Variants in ABHD5 observed in about 807,000 individuals in gnomAD.
The protein encoded by ABHD5 is 1-acylglycerol-3-phosphate O-acyltransferase ABHD5.
ABHD5 carries 30 observed loss-of-function variants against 44.9 expected under a neutral mutation model. The observed-to-expected ratio is 0.67, with a 90% CI of 0.50 to 0.91. The LOEUF is 0.91. ABHD5 is among the 40% of genes least tolerant of loss of function. The pLI is 0.00. For missense variants in ABHD5, 399 were observed against 423.4 expected, an observed-to-expected ratio of 0.94 and a Z score of 0.50; for synonymous variants, 167 against 147.0, an observed-to-expected ratio of 1.14 and a Z score of -0.99.
At chr3:43,733,281 C>A (rs1443554885) in intron 7 of ABHD5, among the ~76,000 whole-genome samples, 1 of 152,204 alleles carries the variant, frequency 6.6e-6, no homozygotes, top group East Asian at 1.9e-4. Context: ...GAGACTTGGT[C>A]ATACACCTGA....
chr3:43,698,423 G>A (rs1281795288), intron 1 of ABHD5, among the ~76,000 whole-genome samples: 5 of 151,966 alleles, frequency 3.3e-5, no homozygotes, highest in East Asian at 1.9e-4. Context: ...GCCATGCACC[G>A]AGCCCTTGCT....
chr3:43,724,445 A>G (rs2084864571), downstream of ABHD5, among the ~76,000 whole-genome samples: 1 of 152,228 alleles, frequency 6.6e-6, no homozygotes, highest in Non-Finnish European at 1.5e-5. Flanking sequence ...CACACCACTG[A>G]CAGCAATTTT....
chr3:43,732,197 G>A (rs1231827015), intron 7 of ABHD5, among the ~76,000 whole-genome samples: 2 of 152,232 alleles, frequency 1.3e-5, no homozygotes, highest in Middle Eastern at 3.4e-3. Flanking sequence ...GTGGAAGGCC[G>A]AGGTGGGTGG....
At chr3:43,703,024 A>G (rs2084565022) in intron 3 of ABHD5, among the ~76,000 whole-genome samples, 1 of 152,094 alleles carries the variant, frequency 6.6e-6, no homozygotes, top group African/African-American at 2.4e-5. Context: ...TTAACCTCTA[A>G]CCTTTAGTTT....
At chr3:43,725,785 T>G (rs2084873333), downstream of ABHD5, among the ~76,000 whole-genome samples, 1 of 151,988 alleles carries the variant, frequency 6.6e-6, no homozygotes, top group Non-Finnish European at 1.5e-5. Flanking sequence ...GAAATATTAG[T>G]CACAATGACC....
chr3:43,727,657 T>C (rs2084886759), downstream of ABHD5, among the ~76,000 whole-genome samples: 1 of 152,360 alleles, frequency 6.6e-6, no homozygotes, highest in East Asian at 1.9e-4. Flanking sequence ...TTGCCAAGGC[T>C]GGAGTGCAAT....
At chr3:43,697,128 G>A (rs2084483254) in intron 1 of ABHD5, among the ~76,000 whole-genome samples, 1 of 152,184 alleles carries the variant, frequency 6.6e-6, no homozygotes, top group Admixed American at 6.5e-5. Context: ...GTTGGTGGAG[G>A]TAGGCATGAT....
At chr3:43,691,562 C>G (rs890684678) in intron 1 of ABHD5, 3 of 152,272 alleles carry the variant, frequency 2.0e-5, no homozygotes, top group African/African-American at 7.2e-5. Context: ...TTCCCGTAGC[C>G]GTAGGAAGGG....
Position 43,715,029 on chromosome 3 carries a change from C to T in ABHD5, c.744C>T (p.Tyr248=). The change falls in exon 5 of 7, where the codon TAC becomes TAT. Residue 248 remains tyrosine, a synonymous_variant. Coordinates refer to ENST00000644371, the MANE Select transcript of ABHD5 (RefSeq NM_016006.6). ...TCGAAGACGATACTGTGACAGAATA[C>T]ATCTACCACTGTAATGTGCAGACTC... ...SMFEDDTVTE[Y]IYHCNVQTPS... 2 of 1,610,720 alleles carry T rather than the reference C, an allele frequency of 1.2e-6. No individual in the cohort carries two copies. Among genetic ancestry groups the T allele is most frequent in the South Asian group, 1.1e-5 (1 of 91,004 alleles).
intron 7 of ABHD5, among the ~76,000 whole-genome samples, chr3:43,732,304 C>G (rs1298919712): frequency 2.6e-5 from 4 of 152,022 alleles, no homozygotes; most frequent in Non-Finnish European, 4.4e-5. Flanking sequence ...GTGGCACGTG[C>G]CTGTAATTCC....
In ABHD5 at chr3:43,717,716, A is replaced by G. The variant is rs763091024; in HGVS notation, c.819A>G (p.Ala273=). Reference sequence around the variant, plus strand: ...ATATGACTATTCCTTATGGATGGGCAAAAAGGCCAATGCTCCAGCGAATTG... The same window carrying G: ...ATATGACTATTCCTTATGGATGGGCGAAAAGGCCAATGCTCCAGCGAATTG... ...FKNMTIPYGW[A]KRPMLQRIGK... The change falls in exon 6 of 7, where the codon GCA becomes GCG. Residue 273 remains alanine, a synonymous_variant. Coordinates refer to ENST00000644371, the MANE Select transcript of ABHD5 (RefSeq NM_016006.6). 6.2e-7 allele frequency: 1 copy of G among 1,614,232 alleles called. No individual in the cohort carries two copies. Among genetic ancestry groups the G allele is most frequent in the Non-Finnish European group, 8.5e-7 (1 of 1,180,044 alleles).
At chr3:43,725,284 T>A (rs2084870030), downstream of ABHD5, among the ~76,000 whole-genome samples, 3 of 152,230 alleles carry the variant, frequency 2.0e-5, no homozygotes. Flanking sequence ...GCCTCTCTCT[T>A]GCCATCTCAT....
chr3:43,716,394 A>G (rs1032296365), intron 5 of ABHD5, among the ~76,000 whole-genome samples: 9 of 152,180 alleles, frequency 5.9e-5, no homozygotes, highest in African/African-American at 2.4e-5. Context: ...GAGAAGTGGT[A>G]TCTCATCCTT....
chr3:43,726,998 C>A (rs1375244256), downstream of ABHD5, among the ~76,000 whole-genome samples: 1 of 152,128 alleles, frequency 6.6e-6, no homozygotes, highest in Non-Finnish European at 1.5e-5. Context: ...AATACTTTAT[C>A]CTTAGCTGCA....
chr3:43,711,157 C>A (rs1017900409), intron 3 of ABHD5, among the ~76,000 whole-genome samples: 1 of 152,174 alleles, frequency 6.6e-6, no homozygotes, highest in Non-Finnish European at 1.5e-5. Context: ...GTCCACGTTA[C>A]GTTATCCTCA....
chr3:43,698,057 A>G (rs1295705154), intron 1 of ABHD5, among the ~76,000 whole-genome samples: 1 of 152,240 alleles, frequency 6.6e-6, no homozygotes, highest in Non-Finnish European at 1.5e-5. Context: ...GGGAAGGGAA[A>G]TATAGTAGGA....
Position 43,691,009 on chromosome 3 carries a change from A to T in ABHD5, c.17A>T (p.Glu6Val), listed in dbSNP as rs779102318. The change falls in exon 1 of 7, where the codon GAG becomes GTG. Residue 6 changes from glutamate (E) to valine (V), a missense_variant. Transcript: ENST00000644371. ...GCGGCGGCTATGGCGGCGGAGGAGG[A>T]GGAGGTGGACTCTGCCGACACCGGA... The part of the protein sequence containing the change: MAAEE[E>V]EVDSADTGER... 6.4e-7 allele frequency: 1 copy of T among 1,567,268 alleles called. No homozygotes were observed. The highest frequency in any genetic ancestry group is 8.6e-7 in the Non-Finnish European group (1 of 1,160,106).
chr3:43,726,337 CAT>C (rs1467346825), downstream of ABHD5, among the ~76,000 whole-genome samples: 2 of 152,164 alleles, frequency 1.3e-5, no homozygotes, highest in African/African-American at 4.8e-5. Context: ...CGATCTTTAA[CAT>C]ATATCTGTTC....
chr3:43,715,531 A>C (rs2084753336), intron 5 of ABHD5, among the ~76,000 whole-genome samples: 1 of 152,166 alleles, frequency 6.6e-6, no homozygotes, highest in Non-Finnish European at 1.5e-5. Flanking sequence ...TTAAAAGGAC[A>C]AGTGTCTAAT....
Sources: gnomAD v4.1 joint callset for allele counts (sites outside exome capture counted in the v4.1 genomes callset) on GRCh38, gnomAD v4.1.1 for gene constraint, MANE v1.5 for transcripts, NCBI Gene and HGNC (gene_info 2026-07-23, HGNC 2026-07-21) for gene names.